Variants in ARID5B observed in about 807,000 individuals in gnomAD.
ARID5B encodes AT-rich interaction domain 5B.
A neutral mutation model predicts 97.2 loss-of-function variants in ARID5B; 13 were observed. The observed-to-expected ratio is 0.13, with a 90% confidence interval of 0.09 to 0.21. ARID5B has a LOEUF of 0.21. Ranked by LOEUF, ARID5B falls within the 10% of genes least tolerant of loss-of-function variation. The probability of loss-of-function intolerance (pLI) is 1.00; values close to 1 mark genes in which losing one functional copy is unlikely to be tolerated. For synonymous variants in ARID5B, 556 were observed against 570.3 expected, an observed-to-expected ratio of 0.97 and a Z score of 0.36; for missense variants, 1,210 against 1,465.3, an observed-to-expected ratio of 0.83 and a Z score of 2.84.
At chr10:62,021,382 G>A (rs1839354901) in intron 4 of ARID5B, among the ~76,000 whole-genome samples, 1 of 152,120 alleles carries the variant, frequency 6.6e-6, no homozygotes, top group South Asian at 2.1e-4. Context: ...TTTAAAATGT[G>A]TATATTTCAG....
intron 8 of ARID5B, among the ~76,000 whole-genome samples, chr10:62,082,794 T>A (rs1246024968): frequency 6.6e-6 from 1 of 152,164 alleles, no homozygotes; most frequent in African/African-American, 2.4e-5. Context: ...GTGGGGTAAT[T>A]GTGTTGTACC....
At chr10:61,928,944 C>T (rs879888327) in intron 2 of ARID5B, among the ~76,000 whole-genome samples, 3 of 152,086 alleles carry the variant, frequency 2.0e-5, no homozygotes, top group Non-Finnish European at 4.4e-5. Context: ...CTGAGGGAGG[C>T]TTGAAAGCAA....
chr10:62,025,636 G>A (rs1839410594), intron 4 of ARID5B, among the ~76,000 whole-genome samples: 2 of 152,084 alleles, frequency 1.3e-5, no homozygotes, highest in Admixed American at 1.3e-4. Flanking sequence ...TACAAAAGAG[G>A]TGTAATTAGA....
intron 4 of ARID5B, among the ~76,000 whole-genome samples, chr10:62,031,560 A>G (rs1014267692): frequency 4.3e-4 from 65 of 152,334 alleles, no homozygotes; most frequent in African/African-American, 1.6e-3. Context: ...CACTGTAGGT[A>G]ACTGACTTAT....
At chr10:62,003,004 C>A (rs971513279) in intron 4 of ARID5B, among the ~76,000 whole-genome samples, 3 of 152,168 alleles carry the variant, frequency 2.0e-5, no homozygotes, top group Non-Finnish European at 4.4e-5. Context: ...GCAGCTACAC[C>A]TTTGACACAT....
At chr10:61,930,722 A>AAATAAATAAAT (rs1844193528) in intron 2 of ARID5B, among the ~76,000 whole-genome samples, 1 of 140,358 alleles carries the variant, frequency 7.1e-6, no homozygotes, top group African/African-American at 2.7e-5. Context: ...TCCGCCTCAA[A>AAATAAATAAAT]AAATAAATAA....
At chr10:62,043,367 CT>C (rs1389740921) in intron 4 of ARID5B, among the ~76,000 whole-genome samples, 2 of 152,202 alleles carry the variant, frequency 1.3e-5, no homozygotes, top group Non-Finnish European at 2.9e-5. Flanking sequence ...GTGGACACCC[CT>C]ATTATACAGA....
At chr10:62,042,931 A>G (rs1440629373) in intron 4 of ARID5B, among the ~76,000 whole-genome samples, 4 of 151,502 alleles carry the variant, frequency 2.6e-5, no homozygotes, top group Non-Finnish European at 4.4e-5. Flanking sequence ...AAAAAAAAAA[A>G]AAGAATATAT....
chr10:61,989,639 A>G (rs1838895525), intron 3 of ARID5B, among the ~76,000 whole-genome samples: 1 of 152,218 alleles, frequency 6.6e-6, no homozygotes, highest in Admixed American at 6.5e-5. Context: ...TAAAATTTTT[A>G]TGCATAGGTT....
In ARID5B at chr10:61,930,722, A is replaced by AAAATAAATAAATAAATAAATAAAT. The variant is rs55665606; in HGVS notation, c.277-9454_277-9431dup. Among the ~76,000 whole-genome samples the AAAATAAATAAATAAATAAATAAAT allele has an allele frequency of 2.2e-3, 303 of 140,432 alleles. 2 individuals carry two copies. Among genetic ancestry groups the AAAATAAATAAATAAATAAATAAAT allele is most frequent in the Non-Finnish European group, 2.9e-3 (189 of 65,220 alleles). 92.1% of individuals were successfully genotyped at this position (140,432 alleles called of 152,430 possible). A position where few individuals can be genotyped will look rare whatever the true frequency, so the allele number is the denominator to read the frequency against. ...GCGACAGAGCGAGACTCCGCCTCAAAAAATAAATAAATAAATAAATAAATA... is the reference window on the plus strand; with the variant it reads ...GCGACAGAGCGAGACTCCGCCTCAAAAAATAAATAAATAAATAAATAAATAAATAAATAAATAAATAAATAAATA... On this transcript the variant is annotated intron_variant, in intron 2 of 9. Transcript: ENST00000279873.
intron 3 of ARID5B, among the ~76,000 whole-genome samples, chr10:61,947,170 C>T (rs968131509): frequency 2.6e-5 from 4 of 151,924 alleles, no homozygotes; most frequent in Non-Finnish European, 5.9e-5. Context: ...TGTGACAACC[C>T]AAAGGACTTT....
intron 4 of ARID5B, among the ~76,000 whole-genome samples, chr10:62,005,126 T>A (rs1278059620): frequency 6.6e-6 from 1 of 152,230 alleles, no homozygotes; most frequent in Non-Finnish European, 1.5e-5. Context: ...AGCTCTGATC[T>A]TCAGGGAGAA....
intron 5 of ARID5B, among the ~76,000 whole-genome samples, chr10:62,052,698 G>C (rs1839806445): frequency 6.6e-6 from 1 of 152,188 alleles, no homozygotes; most frequent in African/African-American, 2.4e-5. Flanking sequence ...CTATACAGAT[G>C]GGCCATATTT....
chr10:61,999,862 T>C (rs113154091), intron 3 of ARID5B, among the ~76,000 whole-genome samples: 19 of 152,284 alleles, frequency 1.2e-4, no homozygotes, highest in African/African-American at 4.3e-4. Flanking sequence ...GCCAGCCTAC[T>C]CTTTTCTTTT....
chr10:61,914,305 T>C lies in ARID5B; in HGVS notation c.276+11892T>C, dbSNP rs1482675492. ...GTTTCATCATTCAGAAGTGTGTATC[T>C]ACTATATGCCTACTATGTGTCAGTT... On this transcript the variant is annotated intron_variant, in intron 2 of 9. Transcript: ENST00000279873. 2.6e-5 allele frequency among the ~76,000 whole-genome samples: 4 copies of C among 152,270 alleles called. No individual in the cohort carries two copies. The South Asian group carries it at 8.3e-4, about 31-fold the overall frequency.
In ARID5B at chr10:62,037,189, C is replaced by T. The variant is rs77152808; in HGVS notation, c.734-13699C>T. ...TGGATCAAGTAATCCAAAGTATTAG[C>T]AATGTTGCAAGAGGCTGTCACCTAG... On this transcript the variant is annotated intron_variant, in intron 4 of 9. Transcript: ENST00000279873. Among the ~76,000 whole-genome samples the T allele has an allele frequency of 5.2e-3, 792 of 152,274 alleles. 5 individuals carry two copies. Among genetic ancestry groups the T allele is most frequent in the African/African-American group, 0.017 (714 of 41,544 alleles).
intron 4 of ARID5B, among the ~76,000 whole-genome samples, chr10:62,026,602 C>T (rs891322441): frequency 5.9e-5 from 9 of 152,128 alleles, no homozygotes; most frequent in Non-Finnish European, 1.3e-4. Context: ...GAATATTTTA[C>T]TGGAACTAAT....
chr10:61,954,360 A>AAAAT (rs969632248), intron 3 of ARID5B, among the ~76,000 whole-genome samples: 29 of 152,074 alleles, frequency 1.9e-4, no homozygotes, highest in South Asian at 6.2e-4. Context: ...TGCATCTCAA[A>AAAAT]AAATAAATAA....
At position 62,091,551 on chromosome 10, in the gene ARID5B, G is replaced by C; in HGVS notation, c.2088G>C (p.Leu696Phe). 2 of 1,613,282 alleles carry C rather than the reference G, an allele frequency of 1.2e-6. No homozygotes were observed. Among genetic ancestry groups the C allele is most frequent in the Non-Finnish European group, 1.7e-6 (2 of 1,179,706 alleles). ...IMSPLAKKKL[L>F]SQVSGASLSS... ...CCCCACTGGCCAAGAAAAAGCTTTT[G>C]TCCCAAGTGAGTGGGGCCAGCCTCT... Residue 696 changes from leucine (L) to phenylalanine (F), a missense_variant, in exon 10 of 10, where the codon TTG becomes TTC. Leu to Phe is a conservative substitution (Grantham distance 22). Transcript: ENST00000279873.
Sources: allele counts gnomAD v4.1 joint callset (sites outside exome capture counted in the v4.1 genomes callset), GRCh38; gene constraint gnomAD v4.1.1; transcripts MANE v1.5; gene names NCBI Gene and HGNC (gene_info 2026-07-23, HGNC 2026-07-21).